IQCJ: variants seen among roughly 807,000 people sequenced by gnomAD.
IQCJ encodes IQ motif containing J.
Under a neutral mutation model 11.0 loss-of-function variants are expected in IQCJ, and 9 were observed. That is an observed-to-expected ratio of 0.82 (90% confidence interval 0.49 to 1.43). The LOEUF is 1.43. Ranked by LOEUF, IQCJ falls within the 40% of genes most tolerant of loss-of-function variation. The pLI is 0.00. For missense variants in IQCJ, 146 were observed against 133.2 expected, an observed-to-expected ratio of 1.10 and a Z score of -0.47; for synonymous variants, 55 against 51.3, an observed-to-expected ratio of 1.07 and a Z score of -0.31.
At chr3:159,197,818 G>C (rs566599072) in intron 1 of IQCJ, among the ~76,000 whole-genome samples, 1 of 152,104 alleles carries the variant, frequency 6.6e-6, no homozygotes, top group East Asian at 1.9e-4. Context: ...ACCCAATGTG[G>C]TCAGCTTTTC....
At chr3:159,249,902 T>TACACACAC (rs10567080) in intron 2 of IQCJ, among the ~76,000 whole-genome samples, 45,796 of 150,400 alleles carry the variant, frequency 0.3, 7,317 homozygotes, top group East Asian at 0.39. Flanking sequence ...TGCATTTGTG[T>TACACACAC]ACACACACAC....
intron 1 of IQCJ, among the ~76,000 whole-genome samples, chr3:159,228,673 C>T (rs549043153): frequency 1.1e-3 from 161 of 152,016 alleles, no homozygotes; most frequent in Non-Finnish European, 1.9e-3. Context: ...CGCCTGTAGT[C>T]CCAGCTACTT....
intron 1 of IQCJ, among the ~76,000 whole-genome samples, chr3:159,096,195 C>T (rs1270338315): frequency 8.2e-6 from 1 of 122,358 alleles, no homozygotes; most frequent in Non-Finnish European, 1.7e-5. Flanking sequence ...GTCCTTCGCC[C>T]ACTTTTTGAT....
downstream of IQCJ, chr3:159,265,503 T>C (rs953713691): frequency 1.1e-6 from 1 of 939,024 alleles, no homozygotes; most frequent in Non-Finnish European, 1.6e-6. Flanking sequence ...ATGAGTCCAT[T>C]TGGAACTTCT....
intron 1 of IQCJ, among the ~76,000 whole-genome samples, chr3:159,138,455 A>C (rs1559999442): frequency 6.6e-6 from 1 of 152,234 alleles, no homozygotes; most frequent in Non-Finnish European, 1.5e-5. Context: ...TAATACCATA[A>C]AATTTGAATT....
chr3:159,169,245 T>C (rs563532609), intron 1 of IQCJ, among the ~76,000 whole-genome samples: 1 of 149,578 alleles, frequency 6.7e-6, no homozygotes, highest in African/African-American at 2.5e-5. Flanking sequence ...ACAAAGCCTA[T>C]GTTCTTTTTT....
chr3:159,202,972 C>A (rs1216470515), intron 1 of IQCJ, among the ~76,000 whole-genome samples: 1 of 152,028 alleles, frequency 6.6e-6, no homozygotes, highest in Non-Finnish European at 1.5e-5. Flanking sequence ...AACATAGATT[C>A]TTTTTGATAA....
At chr3:159,132,327 C>T (rs555411580) in intron 1 of IQCJ, among the ~76,000 whole-genome samples, 1 of 152,008 alleles carries the variant, frequency 6.6e-6, no homozygotes, top group Admixed American at 6.6e-5. Flanking sequence ...TAAAAGAAAC[C>T]CCTGCTCTTC....
chr3:159,213,514 A>G (rs1032851869), intron 1 of IQCJ, among the ~76,000 whole-genome samples: 3 of 152,206 alleles, frequency 2.0e-5, no homozygotes, highest in Non-Finnish European at 4.4e-5. Flanking sequence ...AAAACTGCAA[A>G]GTACTGTATA....
At chr3:159,116,614 GTATATATATATATA>G (rs57810703) in intron 1 of IQCJ, among the ~76,000 whole-genome samples, 150 of 57,648 alleles carry the variant, frequency 2.6e-3, no homozygotes, top group African/African-American at 5.6e-3. Flanking sequence ...CTGCTCATAT[GTATATATATATATA>G]TATATATATA....
intron 1 of IQCJ, among the ~76,000 whole-genome samples, chr3:159,151,770 G>A (rs1236128476): frequency 2.0e-5 from 3 of 152,132 alleles, no homozygotes; most frequent in Non-Finnish European, 4.4e-5. Flanking sequence ...TGAGCAGCTG[G>A]GACTACAGGT....
chr3:159,164,123 A>T (rs1045709267), intron 1 of IQCJ, among the ~76,000 whole-genome samples: 7 of 152,232 alleles, frequency 4.6e-5, no homozygotes, highest in Non-Finnish European at 8.8e-5. Flanking sequence ...CCAAGTGGTA[A>T]CCCCTTTAAA....
intron 3 of IQCJ, among the ~76,000 whole-genome samples, chr3:159,253,337 T>C (rs895710701): frequency 6.6e-6 from 1 of 152,250 alleles, no homozygotes; most frequent in Middle Eastern, 3.4e-3. Flanking sequence ...TAAATGACTA[T>C]TACCTTAAAA....
chr3:159,156,985 G>A (rs1721560602), intron 1 of IQCJ, among the ~76,000 whole-genome samples: 1 of 152,130 alleles, frequency 6.6e-6, no homozygotes, highest in African/African-American at 2.4e-5. Context: ...CAATGGACCT[G>A]GCATTTCAAA....
intron 1 of IQCJ, among the ~76,000 whole-genome samples, chr3:159,081,456 CA>C (rs1716305677): frequency 1.3e-5 from 2 of 152,080 alleles, no homozygotes; most frequent in African/African-American, 4.8e-5. Flanking sequence ...ACTGCCAATA[CA>C]GCATTCGAGA....
intron 1 of IQCJ, among the ~76,000 whole-genome samples, chr3:159,072,455 G>A (rs963794024): frequency 5.9e-5 from 9 of 151,988 alleles, no homozygotes; most frequent in Admixed American, 6.6e-5. Flanking sequence ...GAGAGGAGCC[G>A]TATTGGAAGT....
intron 1 of IQCJ, among the ~76,000 whole-genome samples, chr3:159,228,402 C>G (rs1283676744): frequency 6.6e-6 from 1 of 152,202 alleles, no homozygotes; most frequent in South Asian, 2.1e-4. Flanking sequence ...TTAGGGCAAT[C>G]ACTAAGATTA....
intron 1 of IQCJ, among the ~76,000 whole-genome samples, chr3:159,213,028 C>A (rs1185165393): frequency 1.3e-5 from 2 of 151,894 alleles, no homozygotes; most frequent in African/African-American, 4.8e-5. Context: ...GAAGTGTGGT[C>A]TTAGGCAGCA....
intron 1 of IQCJ, among the ~76,000 whole-genome samples, chr3:159,151,326 C>A (rs1721203929): frequency 6.6e-6 from 1 of 152,232 alleles, no homozygotes; most frequent in African/African-American, 2.4e-5. Flanking sequence ...CGGAGGCCAG[C>A]ACTTCCTGCC....
Sources: gnomAD v4.1 joint callset for allele counts (sites outside exome capture counted in the v4.1 genomes callset) on GRCh38, gnomAD v4.1.1 for gene constraint, MANE v1.5 for transcripts, NCBI Gene and HGNC (gene_info 2026-07-23, HGNC 2026-07-21) for gene names.